ABCD3: variants seen among roughly 807,000 people sequenced by gnomAD.
ABCD3 encodes ATP-binding cassette sub-family D member 3.
Under a neutral mutation model 105.5 loss-of-function variants are expected in ABCD3, and 41 were observed. The observed-to-expected ratio is 0.39, with a 90% CI of 0.30 to 0.50. The LOEUF (loss-of-function observed/expected upper bound fraction) is 0.50. Ranked by LOEUF, ABCD3 falls within the 20% of genes least tolerant of loss-of-function variation. The probability of loss-of-function intolerance (pLI) is 0.84; values close to 1 mark genes in which losing one functional copy is unlikely to be tolerated. For missense variants in ABCD3, 622 were observed against 806.3 expected (o/e 0.77, Z 2.77); for synonymous variants, 258 against 269.0 (o/e 0.96, Z 0.40).
intron 9 of ABCD3, among the ~76,000 whole-genome samples, chr1:94,480,866 A>G (rs1648998000): frequency 6.6e-6 from 1 of 152,204 alleles, no homozygotes; most frequent in Non-Finnish European, 1.5e-5. Flanking sequence ...ATTTTACTTC[A>G]GACATAATCA....
intron 2 of ABCD3, among the ~76,000 whole-genome samples, chr1:94,462,099 G>T (rs114092437): frequency 1.3e-5 from 2 of 152,026 alleles, no homozygotes; most frequent in Non-Finnish European, 2.9e-5. Context: ...TTCCTTTGTT[G>T]CATTATTACT....
At chr1:94,399,117 T>C in the ABCD3 span, among the ~76,000 whole-genome samples, 10 of 152,310 alleles carry the variant, frequency 6.6e-5, no homozygotes, top group Middle Eastern at 3.4e-3. Flanking sequence ...CTCACCACCA[T>C]GGTATCATGC....
chr1:94,469,465 A>C (rs1159254103), intron 4 of ABCD3, among the ~76,000 whole-genome samples: 1 of 150,420 alleles, frequency 6.6e-6, no homozygotes, highest in East Asian at 1.9e-4. Flanking sequence ...TGGTGTTTAC[A>C]AATTGGCAGT....
intron 1 of ABCD3, among the ~76,000 whole-genome samples, chr1:94,451,781 C>T (rs1168526738): frequency 6.6e-6 from 1 of 152,158 alleles, no homozygotes; most frequent in Non-Finnish European, 1.5e-5. Context: ...AATCACTGTC[C>T]TCCAGTCACC....
At chr1:94,499,746 A>G (rs1650003002) in intron 20 of ABCD3, 132 bp downstream of exon 20, 4 of 1,145,998 alleles carry the variant, frequency 3.5e-6, no homozygotes, top group Admixed American at 4.4e-5. Context: ...AAATTATCAT[A>G]AAAGTGCTTG....
At chr1:94,405,195 A>G in the ABCD3 span, among the ~76,000 whole-genome samples, 3 of 152,082 alleles carry the variant, frequency 2.0e-5, no homozygotes, top group Non-Finnish European at 2.9e-5. Flanking sequence ...ATGCCTGTAT[A>G]GTTTTATATT....
At chr1:94,409,790 G>A in the ABCD3 span, among the ~76,000 whole-genome samples, 2 of 152,184 alleles carry the variant, frequency 1.3e-5, no homozygotes, top group African/African-American at 4.8e-5. Context: ...CATGAGGACA[G>A]TGGGGAGCAG....
At chr1:94,503,754 T>C (rs1288634149) in intron 20 of ABCD3, among the ~76,000 whole-genome samples, 3 of 152,004 alleles carry the variant, frequency 2.0e-5, no homozygotes, top group African/African-American at 7.2e-5. Context: ...TACCCATATA[T>C]AAGTGTCAAG....
intron 1 of ABCD3, among the ~76,000 whole-genome samples, chr1:94,442,485 A>C (rs1008841530): frequency 2.2e-4 from 33 of 152,180 alleles, no homozygotes; most frequent in African/African-American, 7.7e-4. Flanking sequence ...AAAATGGTTT[A>C]AATATATTTA....
At chr1:94,475,090 TTAG>T (rs1162575985) in intron 5 of ABCD3, 50 bp from the exon 6 acceptor site, 5 of 1,115,656 alleles carry the variant, frequency 4.5e-6, no homozygotes, top group African/African-American at 1.5e-5. Flanking sequence ...AAATTATAGT[TTAG>T]TAAGCAGAAA....
chr1:94,495,590 A>T (rs1294531213), intron 16 of ABCD3, among the ~76,000 whole-genome samples: 1 of 152,230 alleles, frequency 6.6e-6, no homozygotes, highest in Non-Finnish European at 1.5e-5. Context: ...ATAAAAGGAT[A>T]ACTCAGGATT....
chr1:94,417,030 G>C (rs1659044971), upstream of ABCD3, among the ~76,000 whole-genome samples: 1 of 152,130 alleles, frequency 6.6e-6, no homozygotes, highest in African/African-American at 2.4e-5. Flanking sequence ...CATTCTGAAC[G>C]CTCCCATGTA....
the ABCD3 span, among the ~76,000 whole-genome samples, chr1:94,405,210 T>G: frequency 6.6e-6 from 1 of 152,190 alleles, no homozygotes; most frequent in Non-Finnish European, 1.5e-5. Context: ...TATATTTGAA[T>G]CTGTGTAGCC....
intron 21 of ABCD3, among the ~76,000 whole-genome samples, chr1:94,509,358 G>C (rs1276207438): frequency 6.6e-6 from 1 of 152,188 alleles, no homozygotes; most frequent in Admixed American, 6.5e-5. Flanking sequence ...TGGTGGATAA[G>C]CTTTTTGATG....
At chr1:94,407,284 G>A in the ABCD3 span, among the ~76,000 whole-genome samples, 1 of 152,054 alleles carries the variant, frequency 6.6e-6, no homozygotes, top group Non-Finnish European at 1.5e-5. Context: ...CCGAGTAGCT[G>A]GAATTACAAG....
chr1:94,406,302 A>C, the ABCD3 span: 1 of 191,290 alleles, frequency 5.2e-6, no homozygotes, highest in Non-Finnish European at 1.0e-5. Flanking sequence ...CTAGTACCAC[A>C]CTGTTTTAAT....
At chr1:94,473,342 C>G (rs999717992) in intron 4 of ABCD3, among the ~76,000 whole-genome samples, 1 of 152,116 alleles carries the variant, frequency 6.6e-6, no homozygotes, top group African/African-American at 2.4e-5. Context: ...AAGTCTGTCT[C>G]CCTGCCATTA....
At chr1:94,451,631 T>C (rs1297183195) in intron 1 of ABCD3, among the ~76,000 whole-genome samples, 1 of 152,242 alleles carries the variant, frequency 6.6e-6, no homozygotes, top group Non-Finnish European at 1.5e-5. Context: ...GAACTTCAAA[T>C]CTAAGCATTT....
chr1:94,508,801 A>G (rs1165553744), intron 21 of ABCD3, among the ~76,000 whole-genome samples: 2 of 152,190 alleles, frequency 1.3e-5, no homozygotes, highest in African/African-American at 2.4e-5. Context: ...TTGTTGGTGT[A>G]TAAGAATGCT....
Sources: gnomAD v4.1 joint callset for allele counts (sites outside exome capture counted in the v4.1 genomes callset) on GRCh38, gnomAD v4.1.1 for gene constraint, MANE v1.5 for transcripts, NCBI Gene and HGNC (gene_info 2026-07-23, HGNC 2026-07-21) for gene names.